The following CDKAL1 variants were observed in gnomAD, a reference collection of about 807,000 sequenced individuals.
The protein encoded by CDKAL1 is threonylcarbamoyladenosine tRNA methylthiotransferase.
In CDKAL1, 32 loss-of-function variants were observed where a neutral mutation model predicts 68.2. The observed-to-expected ratio is 0.47, with a 90% CI of 0.35 to 0.63. CDKAL1 has a LOEUF of 0.63. Among genes scored for constraint, CDKAL1 ranks in the 30% least tolerant of loss-of-function variants. The pLI is 0.00. For synonymous variants in CDKAL1, 234 were observed against 244.3 expected, an observed-to-expected ratio of 0.96 and a Z score of 0.39; for missense variants, 606 against 696.7, an observed-to-expected ratio of 0.87 and a Z score of 1.47.
At chr6:20,973,329 G>A (rs1765684587) in intron 10 of CDKAL1, among the ~76,000 whole-genome samples, 1 of 152,068 alleles carries the variant, frequency 6.6e-6, no homozygotes, top group Non-Finnish European at 1.5e-5. Context: ...TATCTTTTGG[G>A]TCACATATTC....
At chr6:20,618,137 T>C (rs552600552) in intron 4 of CDKAL1, among the ~76,000 whole-genome samples, 1 of 152,316 alleles carries the variant, frequency 6.6e-6, no homozygotes, top group Admixed American at 6.5e-5. Flanking sequence ...TATCTCCTTG[T>C]GGTTTTGATT....
chr6:21,090,841 T>C (rs1772974866), intron 12 of CDKAL1, among the ~76,000 whole-genome samples: 1 of 149,796 alleles, frequency 6.7e-6, no homozygotes, highest in Non-Finnish European at 1.5e-5. Context: ...TCTCACTCTG[T>C]CACCCAGGTT....
intron 9 of CDKAL1, among the ~76,000 whole-genome samples, chr6:20,866,967 TATGTG>T (rs1471506277): frequency 6.6e-6 from 1 of 152,234 alleles, no homozygotes; most frequent in Non-Finnish European, 1.5e-5. Flanking sequence ...AAGCAAGCTG[TATGTG>T]ACATTTATTG....
intron 5 of CDKAL1, among the ~76,000 whole-genome samples, chr6:20,682,700 C>G (rs759257217): frequency 6.6e-6 from 1 of 152,224 alleles, no homozygotes; most frequent in Non-Finnish European, 1.5e-5. Context: ...CAAATCATAT[C>G]ACAACCCAAG....
At chr6:20,733,630 A>G (rs1773056930) in intron 5 of CDKAL1, among the ~76,000 whole-genome samples, 1 of 152,184 alleles carries the variant, frequency 6.6e-6, no homozygotes, top group Non-Finnish European at 1.5e-5. Flanking sequence ...TGATTGGCCA[A>G]CACAGCTGAG....
intron 15 of CDKAL1, among the ~76,000 whole-genome samples, chr6:21,225,456 G>C (rs568916700): frequency 6.6e-6 from 1 of 152,236 alleles, no homozygotes; most frequent in East Asian, 1.9e-4. Flanking sequence ...AGTGCTGTGG[G>C]AGGCTCTGGC....
In CDKAL1 at chr6:20,976,884, A is replaced by G. The variant is rs73733177; in HGVS notation, c.909+21299A>G. 3.4e-3 allele frequency among the ~76,000 whole-genome samples: 524 copies of G among 152,290 alleles called. 3 individuals are homozygous for G. The highest frequency in any genetic ancestry group is 0.012 in the African/African-American group (497 of 41,554). ...TGAAGTGTTGTTTTATAAATATATCACAGTTCACCCATTCTCCTGTTAAAT... is the reference window on the plus strand; with the variant it reads ...TGAAGTGTTGTTTTATAAATATATCGCAGTTCACCCATTCTCCTGTTAAAT... On this transcript the variant is annotated intron_variant, in intron 10 of 15. Transcript: ENST00000274695.
chr6:20,896,098 CTTTTCTTT>C (rs1286159556), intron 9 of CDKAL1, among the ~76,000 whole-genome samples: 14 of 104,124 alleles, frequency 1.3e-4, no homozygotes, highest in Non-Finnish European at 2.0e-4. Flanking sequence ...CTTTTCTTTT[CTTTTCTTT>C]TTTTTTTTTT....
intron 6 of CDKAL1, among the ~76,000 whole-genome samples, chr6:20,742,346 A>G (rs1773493967): frequency 7.2e-6 from 1 of 139,264 alleles, no homozygotes; most frequent in Non-Finnish European, 1.5e-5. Flanking sequence ...CTTTAGGTTT[A>G]TCTTATTTTG....
At chr6:20,936,806 T>G (rs1014775473) in intron 9 of CDKAL1, among the ~76,000 whole-genome samples, 1 of 152,222 alleles carries the variant, frequency 6.6e-6, no homozygotes, top group African/African-American at 2.4e-5. Flanking sequence ...GTAGCCACTT[T>G]AAATCAGGAA....
At chr6:20,944,791 T>A (rs977744797) in intron 9 of CDKAL1, among the ~76,000 whole-genome samples, 4 of 152,246 alleles carry the variant, frequency 2.6e-5, no homozygotes, top group African/African-American at 7.2e-5. Flanking sequence ...TGGTTATTGA[T>A]ATATATGTTA....
intron 10 of CDKAL1, among the ~76,000 whole-genome samples, chr6:20,964,170 C>A (rs549369227): frequency 1.3e-5 from 2 of 151,968 alleles, no homozygotes; most frequent in Non-Finnish European, 2.9e-5. Context: ...CAGATGCTGG[C>A]GAGGGTACGG....
At position 20,627,294 on chromosome 6, in the gene CDKAL1, A is replaced by G; in HGVS notation, c.287-21999A>G. 1.3e-5 allele frequency among the ~76,000 whole-genome samples: 2 copies of G among 152,202 alleles called. 1 individual carries two copies. Among genetic ancestry groups the G allele is most frequent in the East Asian group, 3.8e-4 (2 of 5,198 alleles). On this transcript the variant is annotated intron_variant, in intron 4 of 15. Coordinates refer to ENST00000274695, the MANE Select transcript of CDKAL1 (RefSeq NM_017774.3). ...GATAAAGGAATGAGATAACTCAAAT[A>G]AATCTTTTCCTTTAGAAAAGGGGAG...
At chr6:20,764,729 T>A (rs1356440238) in intron 7 of CDKAL1, among the ~76,000 whole-genome samples, 5 of 152,216 alleles carry the variant, frequency 3.3e-5, no homozygotes, top group African/African-American at 1.2e-4. Context: ...TGAGCTTAGA[T>A]ATGTAGCATG....
chr6:21,119,874 C>T (rs761224315), intron 13 of CDKAL1, among the ~76,000 whole-genome samples: 10 of 152,158 alleles, frequency 6.6e-5, no homozygotes, highest in Non-Finnish European at 1.5e-4. Context: ...TTGTAAGAGT[C>T]TTACACTATA....
chr6:20,665,882 A>G (rs919520110), intron 5 of CDKAL1, among the ~76,000 whole-genome samples: 13 of 152,064 alleles, frequency 8.5e-5, no homozygotes, highest in Non-Finnish European at 1.5e-4. Context: ...AATTCTCTGT[A>G]CAGCATAGAT....
chr6:20,937,920 T>G (rs1280583942), intron 9 of CDKAL1, among the ~76,000 whole-genome samples: 1 of 151,958 alleles, frequency 6.6e-6, no homozygotes, highest in Non-Finnish European at 1.5e-5. Flanking sequence ...TTAAAAACTG[T>G]AAATATCTTC....
intron 8 of CDKAL1, among the ~76,000 whole-genome samples, chr6:20,830,627 C>G (rs999905267): frequency 6.6e-6 from 1 of 152,136 alleles, no homozygotes; most frequent in African/African-American, 2.4e-5. Flanking sequence ...CCACTGCACC[C>G]TGCAGGTCCT....
chr6:21,094,558 A>G (rs1451643406), intron 12 of CDKAL1, among the ~76,000 whole-genome samples: 9 of 152,206 alleles, frequency 5.9e-5, no homozygotes, highest in Admixed American at 5.9e-4. Flanking sequence ...TAAAGAGCTA[A>G]AAAGATGCTA....
Sources: allele counts gnomAD v4.1 joint callset (sites outside exome capture counted in the v4.1 genomes callset), GRCh38; gene constraint gnomAD v4.1.1; transcripts MANE v1.5; gene names NCBI Gene and HGNC (gene_info 2026-07-23, HGNC 2026-07-21).